ANKRD36C: variants seen among roughly 807,000 people sequenced by gnomAD.
The protein encoded by ANKRD36C is ankyrin repeat domain-containing protein 36C.
ANKRD36C carries 61 observed loss-of-function variants against 276.4 expected under a neutral mutation model. That is an observed-to-expected ratio of 0.22 (90% confidence interval 0.18 to 0.27). The LOEUF is 0.27. ANKRD36C is among the 10% of genes least tolerant of loss of function. The probability of loss-of-function intolerance (pLI) is 1.00; values close to 1 mark genes in which losing one functional copy is unlikely to be tolerated. For synonymous variants in ANKRD36C, 483 were observed against 680.1 expected, an observed-to-expected ratio of 0.71 and a Z score of 4.51; for missense variants, 1,447 against 2,032.3, an observed-to-expected ratio of 0.71 and a Z score of 5.54.
intron 1 of ANKRD36C, among the ~76,000 whole-genome samples, chr2:95,989,703 A>C (rs1410479950): frequency 6.6e-6 from 1 of 152,220 alleles, no homozygotes; most frequent in African/African-American, 2.4e-5. Flanking sequence ...ACATTTTTAC[A>C]GTGTGATACT....
At chr2:95,959,172 A>G (rs1463941800) in intron 10 of ANKRD36C, among the ~76,000 whole-genome samples, 2 of 152,276 alleles carry the variant, frequency 1.3e-5, no homozygotes, top group African/African-American at 4.8e-5. Flanking sequence ...CATGTAACAC[A>G]TCAGAGGGAT....
intron 60 of ANKRD36C, among the ~76,000 whole-genome samples, chr2:95,862,635 C>T (rs1284197315): frequency 6.6e-6 from 1 of 150,948 alleles, no homozygotes; most frequent in Non-Finnish European, 1.5e-5. Context: ...AGAAGAGTGA[C>T]TTAAACCCAA....
intron 6 of ANKRD36C, among the ~76,000 whole-genome samples, chr2:95,973,281 G>A (rs1370543661): frequency 1.3e-5 from 2 of 151,958 alleles, no homozygotes; most frequent in Non-Finnish European, 2.9e-5. Flanking sequence ...GCGTGGTGGT[G>A]CATGCCTGTA....
intron 34 of ANKRD36C, among the ~76,000 whole-genome samples, chr2:95,918,277 C>A (rs1263700102): frequency 1.3e-5 from 2 of 151,510 alleles, no homozygotes; most frequent in Non-Finnish European, 3.0e-5. Flanking sequence ...CGTCATACGT[C>A]GAAAACTAAA....
chr2:95,912,898 T>G (rs1676977100), intron 40 of ANKRD36C, among the ~76,000 whole-genome samples: 1 of 151,404 alleles, frequency 6.6e-6, no homozygotes, highest in Non-Finnish European at 1.5e-5. Context: ...AGGCACACAA[T>G]TACGATGACA....
intron 44 of ANKRD36C, 111 bp downstream of exon 64, chr2:95,893,422 C>A (rs1429650378): frequency 1.4e-5 from 20 of 1,434,206 alleles, no homozygotes; most frequent in Non-Finnish European, 1.8e-5. Context: ...AATCTCCGGC[C>A]TGCTGAATCA....
intron 52 of ANKRD36C, among the ~76,000 whole-genome samples, chr2:95,885,615 C>T (rs1676182248): frequency 6.6e-6 from 1 of 151,954 alleles, no homozygotes; most frequent in East Asian, 1.9e-4. Context: ...ATAATTGCTA[C>T]TTCAGTGATC....
At chr2:95,943,691 CA>C (rs548245004) in intron 19 of ANKRD36C, among the ~76,000 whole-genome samples, 1 of 151,620 alleles carries the variant, frequency 6.6e-6, no homozygotes, top group Non-Finnish European at 1.5e-5. Context: ...TAACAAGAGT[CA>C]AAAAGTAATG....
At chr2:95,962,541 G>A (rs1279538962) in exon 7 of ANKRD36C, 9 of 1,600,448 alleles carry the variant, frequency 5.6e-6, no homozygotes, top group Non-Finnish European at 6.8e-6. Flanking sequence ...TTGTTTCTGA[G>A]AAGACACTGA....
intron 44 of ANKRD36C, 55 bp from the exon 61 acceptor site, chr2:95,895,645 C>G: frequency 6.4e-7 from 1 of 1,565,602 alleles, no homozygotes; most frequent in Non-Finnish European, 8.7e-7. Context: ...TAAAGTTATC[C>G]ATACATTCAC....
chr2:95,925,207 C>T, intron 30 of ANKRD36C, 145 bp downstream of exon 30: 1 of 1,345,540 alleles, frequency 7.4e-7, no homozygotes, highest in Non-Finnish European at 1.0e-6. Context: ...ATCAGCACCA[C>T]CTGACAACTT....
chr2:95,863,746 A>G (rs1460395177), intron 60 of ANKRD36C, among the ~76,000 whole-genome samples: 2 of 152,178 alleles, frequency 1.3e-5, no homozygotes, highest in Non-Finnish European at 2.9e-5. Context: ...TGAAAAGGCT[A>G]CTTACTGTAT....
At chr2:95,929,400 T>C (rs1402996040) in intron 24 of ANKRD36C, 133 bp from the exon 25 acceptor site, 1 of 648,632 alleles carries the variant, frequency 1.5e-6, no homozygotes, top group Non-Finnish European at 2.6e-6. Flanking sequence ...TGATATTTTA[T>C]ACTTTGTTTC....
At chr2:95,890,099 G>T in intron 46 of ANKRD36C, 105 bp from the exon 67 acceptor site, 1 of 1,428,156 alleles carries the variant, frequency 7.0e-7, no homozygotes, top group South Asian at 1.2e-5. Context: ...GCCTGTATTA[G>T]TGTAGGCTTT....
intron 48 of ANKRD36C, among the ~76,000 whole-genome samples, chr2:95,889,484 C>A (rs1397511792): frequency 6.6e-6 from 1 of 151,574 alleles, no homozygotes; most frequent in African/African-American, 2.4e-5. Flanking sequence ...ATCTCTTTCT[C>A]TTTCCCCTCT....
At chr2:95,981,613 A>G (rs1011810031) in intron 4 of ANKRD36C, among the ~76,000 whole-genome samples, 4 of 150,790 alleles carry the variant, frequency 2.7e-5, no homozygotes, top group East Asian at 3.9e-4. Context: ...CTAACATTAT[A>G]TATATATATA....
In ANKRD36C at chr2:95,967,541, G is replaced by C. The variant is rs187686205; in HGVS notation, c.800-4994C>G. 7.2e-5 allele frequency among the ~76,000 whole-genome samples: 11 copies of C among 152,298 alleles called. No individual in the cohort carries two copies. In the East Asian group the frequency reaches 2.1e-3, roughly 29 times the overall value. Reference sequence around the variant, plus strand: ...ACGAATGCTTTTACACTGTTGGTGGGAGTGTCAATTAGTTCAACCATTGTG... The same window carrying C: ...ACGAATGCTTTTACACTGTTGGTGGCAGTGTCAATTAGTTCAACCATTGTG... On this transcript the variant is annotated intron_variant, in intron 6 of 66. Transcript: ENST00000456556.
intron 42 of ANKRD36C, among the ~76,000 whole-genome samples, chr2:95,909,751 T>C (rs935782862): frequency 4.4e-4 from 66 of 151,004 alleles, no homozygotes; most frequent in Admixed American, 3.3e-4. Flanking sequence ...TTATGCCAAT[T>C]CTAGGATTGT....
intron 44 of ANKRD36C, among the ~76,000 whole-genome samples, chr2:95,892,219 AT>A (rs1676389616): frequency 6.6e-6 from 1 of 151,542 alleles, no homozygotes; most frequent in East Asian, 1.9e-4. Flanking sequence ...GTGCTACATG[AT>A]CCCACATGTC....
Sources: gnomAD v4.1 joint callset for allele counts (sites outside exome capture counted in the v4.1 genomes callset) on GRCh38, gnomAD v4.1.1 for gene constraint, MANE v1.5 for transcripts, NCBI Gene and HGNC (gene_info 2026-07-23, HGNC 2026-07-21) for gene names.